Variants in STPG2 observed in about 807,000 individuals in gnomAD.
STPG2 encodes sperm tail PG-rich repeat containing 2.
Under a neutral mutation model 54.2 loss-of-function variants are expected in STPG2, and 56 were observed. That is an observed-to-expected ratio of 1.03 (90% CI 0.83 to 1.29). STPG2 has a LOEUF of 1.29. Among genes scored for constraint, STPG2 ranks in the 50% most tolerant of loss-of-function variants. The pLI is 0.00. For missense variants in STPG2, 596 were observed against 544.9 expected, an observed-to-expected ratio of 1.09 and a Z score of -0.93; for synonymous variants, 200 against 181.8, an observed-to-expected ratio of 1.10 and a Z score of -0.81.
At chr4:98,013,580 CTTTTTTT>C (rs34198207) in intron 5 of STPG2, among the ~76,000 whole-genome samples, 10 of 74,602 alleles carry the variant, frequency 1.3e-4, no homozygotes, top group African/African-American at 4.2e-4. Context: ...TGGTCCTGGG[CTTTTTTT>C]TTTTTTTTTT....
intron 4 of STPG2, among the ~76,000 whole-genome samples, chr4:97,450,187 T>C (rs1729329582): frequency 6.6e-6 from 1 of 152,098 alleles, no homozygotes; most frequent in African/African-American, 2.4e-5. Context: ...TCAACATTCA[T>C]AGAATTACCC....
intron 4 of STPG2, among the ~76,000 whole-genome samples, chr4:97,451,510 T>C (rs1368683839): frequency 3.3e-5 from 5 of 152,116 alleles, no homozygotes; most frequent in Non-Finnish European, 5.9e-5. Context: ...TATAATTTTA[T>C]TTTTCTTTTG....
intron 9 of STPG2, among the ~76,000 whole-genome samples, chr4:97,792,871 G>T (rs576760902): frequency 6.6e-6 from 1 of 152,026 alleles, no homozygotes; most frequent in South Asian, 2.1e-4. Flanking sequence ...CACTTTCCTG[G>T]CTGGGCACAG....
chr4:98,138,253 G>A (rs1740187344), intron 1 of STPG2, among the ~76,000 whole-genome samples: 1 of 152,066 alleles, frequency 6.6e-6, no homozygotes, highest in African/African-American at 2.4e-5. Flanking sequence ...AGAGTGTTCT[G>A]GGGAATTAGA....
intron 9 of STPG2, among the ~76,000 whole-genome samples, chr4:97,820,841 G>A (rs1728064731): frequency 6.6e-6 from 1 of 152,070 alleles, no homozygotes; most frequent in South Asian, 2.1e-4. Context: ...ATTCTCTATT[G>A]TAAGGAAAGC....
At chr4:97,926,000 G>C (rs1353001749) in intron 8 of STPG2, among the ~76,000 whole-genome samples, 1 of 152,026 alleles carries the variant, frequency 6.6e-6, no homozygotes, top group African/African-American at 2.4e-5. Flanking sequence ...CACCTTTTCA[G>C]CTTTCCAATA....
chr4:98,128,840 C>T (rs924088682), intron 2 of STPG2, among the ~76,000 whole-genome samples: 2 of 151,926 alleles, frequency 1.3e-5, no homozygotes, highest in Non-Finnish European at 2.9e-5. Flanking sequence ...AGTGATTCTC[C>T]CCTCGACCTC....
chr4:97,933,163 C>A (rs1732614989), intron 8 of STPG2, among the ~76,000 whole-genome samples: 1 of 151,882 alleles, frequency 6.6e-6, no homozygotes, highest in Admixed American at 6.6e-5. Flanking sequence ...ATATAAATGT[C>A]TTCTTTTGAG....
intron 5 of STPG2, among the ~76,000 whole-genome samples, chr4:97,986,794 C>G (rs1578757978): frequency 6.6e-6 from 1 of 152,088 alleles, no homozygotes; most frequent in African/African-American, 2.4e-5. Context: ...TATCACTTTT[C>G]TTCTTATAAC....
intron 9 of STPG2, among the ~76,000 whole-genome samples, chr4:97,726,533 G>A (rs938085412): frequency 6.6e-6 from 1 of 151,912 alleles, no homozygotes; most frequent in Non-Finnish European, 1.5e-5. Flanking sequence ...AAATTAAAAA[G>A]TGACAAAATT....
chr4:97,796,737 G>A (rs530401178), intron 9 of STPG2, among the ~76,000 whole-genome samples: 6 of 152,294 alleles, frequency 3.9e-5, no homozygotes, highest in South Asian at 2.1e-4. Context: ...ATTCTGTGAA[G>A]AAAGTCATTG....
At chr4:98,137,957 A>G (rs1464039416) in intron 1 of STPG2, among the ~76,000 whole-genome samples, 1 of 151,996 alleles carries the variant, frequency 6.6e-6, no homozygotes, top group Non-Finnish European at 1.5e-5. Flanking sequence ...TTAAATGTTT[A>G]TAATGATACA....
chr4:97,493,862 G>T (rs760163630), intron 4 of STPG2, among the ~76,000 whole-genome samples: 1 of 151,448 alleles, frequency 6.6e-6, no homozygotes, highest in Non-Finnish European at 1.5e-5. Context: ...AGTGAAAAAG[G>T]ACTCTTTGCA....
In STPG2 at chr4:97,502,212, A is replaced by C. The variant is rs182322850; in HGVS notation, c.462+210487T>G. On this transcript the variant is annotated intron_variant, in intron 4 of 4. Transcript: ENST00000522676. Reference sequence around the variant, plus strand: ...TCTGAATATGAAGAGGTTATATTATATATCAGGAAAAAACTTTAACAGAAT... The same window carrying C: ...TCTGAATATGAAGAGGTTATATTATCTATCAGGAAAAAACTTTAACAGAAT... Among the ~76,000 whole-genome samples the C allele has an allele frequency of 3.2e-3, 484 of 152,146 alleles. 1 individual carries two copies. Among genetic ancestry groups the C allele is most frequent in the African/African-American group, 0.011 (455 of 41,558 alleles).
intron 5 of STPG2, chr4:98,025,655 G>T (rs1337475001): frequency 2.2e-6 from 2 of 924,134 alleles, no homozygotes; most frequent in Non-Finnish European, 3.5e-6. Flanking sequence ...TATGAAGGAT[G>T]GCCTAACAAA....
chr4:97,611,457 T>C (rs944153072), intron 10 of STPG2, among the ~76,000 whole-genome samples: 11 of 152,076 alleles, frequency 7.2e-5, no homozygotes, highest in Middle Eastern at 3.4e-3. Flanking sequence ...TAAAAGACTA[T>C]ACCAAAAGCA....
intron 9 of STPG2, among the ~76,000 whole-genome samples, chr4:97,736,963 G>T (rs1281594947): frequency 3.3e-5 from 5 of 152,188 alleles, no homozygotes; most frequent in African/African-American, 9.7e-5. Flanking sequence ...GCACCCCCCA[G>T]TAGGGGCAGA....
At chr4:97,447,521 G>T (rs1466377909) in intron 4 of STPG2, among the ~76,000 whole-genome samples, 1 of 152,166 alleles carries the variant, frequency 6.6e-6, no homozygotes, top group African/African-American at 2.4e-5. Flanking sequence ...GCTCTGTGCA[G>T]CCTCAGTATA....
chr4:97,799,877 C>T (rs1167823809), intron 9 of STPG2, among the ~76,000 whole-genome samples: 2 of 152,140 alleles, frequency 1.3e-5, no homozygotes, highest in Non-Finnish European at 2.9e-5. Context: ...AGGCTTTGTT[C>T]ATTTCTTTTT....
Sources: gnomAD v4.1 joint callset for allele counts (sites outside exome capture counted in the v4.1 genomes callset) on GRCh38, gnomAD v4.1.1 for gene constraint, MANE v1.5 for transcripts, NCBI Gene and HGNC (gene_info 2026-07-23, HGNC 2026-07-21) for gene names.